Variants in SPOCK1 observed in about 807,000 individuals in gnomAD.
SPOCK1 encodes the protein SPARC (osteonectin), cwcv and kazal like domains proteoglycan 1, also known as testican-1.
Under a neutral mutation model 55.3 loss-of-function variants are expected in SPOCK1, and 23 were observed. The observed-to-expected ratio is 0.42, with a 90% confidence interval of 0.30 to 0.59. SPOCK1 has a LOEUF of 0.59. SPOCK1 is among the 20% of genes least tolerant of loss of function. The pLI is 0.22. For synonymous variants in SPOCK1, 226 were observed against 221.0 expected (o/e 1.02, Z -0.20); for missense variants, 499 against 552.5 (o/e 0.90, Z 0.97).
intron 6 of SPOCK1, among the ~76,000 whole-genome samples, chr5:136,996,327 G>A (rs1751039308): frequency 6.6e-6 from 1 of 152,162 alleles, no homozygotes; most frequent in African/African-American, 2.4e-5. Flanking sequence ...TCTGGAGAGG[G>A]GTCCTGGCGA....
At chr5:137,280,165 T>C (rs1303741367) in intron 2 of SPOCK1, among the ~76,000 whole-genome samples, 2 of 152,188 alleles carry the variant, frequency 1.3e-5, no homozygotes, top group Non-Finnish European at 2.9e-5. Flanking sequence ...AAGTCCCATC[T>C]TTTAAAATAA....
intron 5 of SPOCK1, among the ~76,000 whole-genome samples, chr5:137,093,877 G>GACA (rs1753094060): frequency 6.6e-6 from 1 of 152,190 alleles, no homozygotes; most frequent in African/African-American, 2.4e-5. Context: ...GCAGGGTGAG[G>GACA]ACACCACTTG....
intron 4 of SPOCK1, among the ~76,000 whole-genome samples, chr5:137,120,705 T>A (rs1753669069): frequency 6.6e-6 from 1 of 152,248 alleles, no homozygotes; most frequent in African/African-American, 2.4e-5. Flanking sequence ...GCCTTTCTAT[T>A]GCTCAATTCT....
At chr5:137,157,817 C>T (rs1351923040) in intron 3 of SPOCK1, among the ~76,000 whole-genome samples, 1 of 152,156 alleles carries the variant, frequency 6.6e-6, no homozygotes, top group Non-Finnish European at 1.5e-5. Flanking sequence ...CCCAGCACTT[C>T]GGGAGACCGA....
At chr5:137,476,857 G>A (rs1753847251) in intron 2 of SPOCK1, among the ~76,000 whole-genome samples, 1 of 152,084 alleles carries the variant, frequency 6.6e-6, no homozygotes. Context: ...CCTGGGAGGT[G>A]GAGGTTGCTG....
At chr5:137,321,765 C>G (rs969363276) in intron 2 of SPOCK1, among the ~76,000 whole-genome samples, 2 of 151,872 alleles carry the variant, frequency 1.3e-5, no homozygotes, top group Non-Finnish European at 2.9e-5. Flanking sequence ...GTAATCCCAG[C>G]TACTCAGGAG....
At chr5:137,074,692 T>C (rs1215995372) in intron 5 of SPOCK1, among the ~76,000 whole-genome samples, 1 of 121,238 alleles carries the variant, frequency 8.2e-6, no homozygotes, top group Non-Finnish European at 2.0e-5. Flanking sequence ...AATTTTTGTA[T>C]TTTGTTGTTG....
intron 3 of SPOCK1, among the ~76,000 whole-genome samples, chr5:137,225,367 A>G (rs1755926497): frequency 6.6e-6 from 1 of 152,200 alleles, no homozygotes; most frequent in African/African-American, 2.4e-5. Flanking sequence ...TAATGTCTAC[A>G]ATGCTTGGCA....
intron 3 of SPOCK1, among the ~76,000 whole-genome samples, chr5:137,174,706 C>T (rs1754822148): frequency 6.6e-6 from 1 of 152,232 alleles, no homozygotes; most frequent in Non-Finnish European, 1.5e-5. Context: ...GTTCCAAAGC[C>T]AGTTCACTGG....
intron 6 of SPOCK1, among the ~76,000 whole-genome samples, chr5:137,031,221 T>C (rs1751773331): frequency 6.6e-6 from 1 of 152,214 alleles, no homozygotes; most frequent in Non-Finnish European, 1.5e-5. Context: ...TCCGATGCTT[T>C]CTACTTATTA....
chr5:137,456,233 C>G (rs1753366253), intron 2 of SPOCK1, among the ~76,000 whole-genome samples: 1 of 152,162 alleles, frequency 6.6e-6, no homozygotes, highest in African/African-American at 2.4e-5. Context: ...AGTTGCTTCT[C>G]CTATTTCTCA....
At position 137,254,571 on chromosome 5, in the gene SPOCK1, G is replaced by A. The variant is rs146460716; in HGVS notation, c.232+12439C>T. ...ATTGAGCACATCAGCATCCATACGC[G>A]TTTGAGAAACATATGTAAATATGTA... On this transcript the variant is annotated intron_variant, in intron 3 of 10. Coordinates refer to ENST00000394945, the MANE Select transcript of SPOCK1 (RefSeq NM_004598.4). Among the ~76,000 whole-genome samples the A allele has an allele frequency of 7.7e-3, 1,172 of 152,234 alleles. 9 individuals carry two copies. Among genetic ancestry groups the A allele is most frequent in the African/African-American group, 0.027 (1,128 of 41,530 alleles).
At chr5:137,330,373 T>C (rs1758150642) in intron 2 of SPOCK1, among the ~76,000 whole-genome samples, 1 of 152,150 alleles carries the variant, frequency 6.6e-6, no homozygotes, top group Non-Finnish European at 1.5e-5. Flanking sequence ...ACTACCTCTT[T>C]AGATTAGGAT....
chr5:137,400,779 A>G (rs1751957258), intron 2 of SPOCK1, among the ~76,000 whole-genome samples: 1 of 152,176 alleles, frequency 6.6e-6, no homozygotes, highest in Non-Finnish European at 1.5e-5. Context: ...TCAATGCTGC[A>G]TGGGCAAACA....
intron 5 of SPOCK1, among the ~76,000 whole-genome samples, chr5:137,082,993 T>C (rs1380041819): frequency 6.6e-6 from 1 of 152,174 alleles, no homozygotes; most frequent in East Asian, 1.9e-4. Context: ...CCATCTAACA[T>C]AATCTGTGTT....
chr5:136,990,824 G>A (rs1316558161), intron 7 of SPOCK1, among the ~76,000 whole-genome samples: 1 of 152,178 alleles, frequency 6.6e-6, no homozygotes, highest in Non-Finnish European at 1.5e-5. Context: ...TTGGGCAGTA[G>A]TCAAAAAGTC....
At chr5:136,997,469 G>T (rs963710230) in intron 6 of SPOCK1, among the ~76,000 whole-genome samples, 1 of 152,026 alleles carries the variant, frequency 6.6e-6, no homozygotes, top group Non-Finnish European at 1.5e-5. Context: ...ATTTGATCAA[G>T]TCACTCTCCT....
chr5:137,056,558 T>A (rs1468690462), intron 6 of SPOCK1, among the ~76,000 whole-genome samples: 1 of 152,128 alleles, frequency 6.6e-6, no homozygotes. Context: ...TCAGGGGTAG[T>A]TCCATAGGAT....
chr5:137,205,290 C>A (rs1755498536), intron 3 of SPOCK1, among the ~76,000 whole-genome samples: 1 of 152,138 alleles, frequency 6.6e-6, no homozygotes, highest in Non-Finnish European at 1.5e-5. Context: ...AAAGAAAAGC[C>A]ATGAATGGGA....
Sources: allele counts gnomAD v4.1 joint callset (sites outside exome capture counted in the v4.1 genomes callset), GRCh38; gene constraint gnomAD v4.1.1; transcripts MANE v1.5; gene names NCBI Gene and HGNC (gene_info 2026-07-23, HGNC 2026-07-21).